LRMDA: variants seen among roughly 807,000 people sequenced by gnomAD.
The protein encoded by LRMDA is leucine rich melanocyte differentiation associated, also known as leucine-rich melanocyte differentiation-associated protein.
Under a neutral mutation model 29.8 loss-of-function variants are expected in LRMDA, and 18 were observed. That is an observed-to-expected ratio of 0.60 (90% CI 0.42 to 0.90). LRMDA has a LOEUF of 0.90. Among genes scored for constraint, LRMDA ranks in the 40% least tolerant of loss-of-function variants. The pLI is 0.00. For missense variants in LRMDA, 273 were observed against 273.9 expected, an observed-to-expected ratio of 1.00 and a Z score of 0.02; for synonymous variants, 125 against 109.4, an observed-to-expected ratio of 1.14 and a Z score of -0.89.
chr10:76,191,417 A>G (rs1434364427), intron 5 of LRMDA, among the ~76,000 whole-genome samples: 1 of 152,186 alleles, frequency 6.6e-6, no homozygotes, highest in African/African-American at 2.4e-5. Context: ...ACTGCAGGAT[A>G]TTTGAATCCT....
intron 2 of LRMDA, among the ~76,000 whole-genome samples, chr10:75,817,766 A>G (rs1178330325): frequency 1.3e-5 from 2 of 152,236 alleles, no homozygotes; most frequent in African/African-American, 2.4e-5. Context: ...ACCTATAGCT[A>G]TAGTATCGGA....
intron 2 of LRMDA, among the ~76,000 whole-genome samples, chr10:75,484,969 G>A (rs962408693): frequency 2.6e-5 from 4 of 152,122 alleles, no homozygotes; most frequent in African/African-American, 9.7e-5. Flanking sequence ...AGTATAGAAA[G>A]GTAAAACTAT....
chr10:75,611,773 G>C (rs182481707), intron 2 of LRMDA, among the ~76,000 whole-genome samples: 6 of 152,318 alleles, frequency 3.9e-5, no homozygotes, highest in African/African-American at 1.2e-4. Context: ...AGCTTGGCAA[G>C]CACAGTATAG....
At chr10:75,916,184 GTGTGTGTGT>G (rs1564605831) in intron 2 of LRMDA, among the ~76,000 whole-genome samples, 9 of 131,552 alleles carry the variant, frequency 6.8e-5, no homozygotes, top group African/African-American at 2.2e-4. Flanking sequence ...GTGTGTGTGT[GTGTGTGTGT>G]GTGGGTGGGT....
At chr10:76,271,177 G>A (rs978162259) in intron 5 of LRMDA, among the ~76,000 whole-genome samples, 1 of 152,192 alleles carries the variant, frequency 6.6e-6, no homozygotes, top group African/African-American at 2.4e-5. Context: ...GGAGGCCGAG[G>A]TGGGTGAACT....
intron 2 of LRMDA, among the ~76,000 whole-genome samples, chr10:75,579,272 C>A (rs116051576): frequency 1.3e-5 from 2 of 152,080 alleles, no homozygotes; most frequent in Non-Finnish European, 2.9e-5. Context: ...TACAAATTAC[C>A]TTCAGGGGAT....
chr10:75,663,179 C>G (rs1841776879), intron 2 of LRMDA, among the ~76,000 whole-genome samples: 1 of 152,250 alleles, frequency 6.6e-6, no homozygotes, highest in East Asian at 1.9e-4. Context: ...GTAGAGGACT[C>G]TTAGGGCAGG....
At chr10:76,073,890 G>A (rs910007272) in intron 5 of LRMDA, among the ~76,000 whole-genome samples, 1 of 152,208 alleles carries the variant, frequency 6.6e-6, no homozygotes, top group African/African-American at 2.4e-5. Flanking sequence ...TGTAGTCCTA[G>A]GGAATTACGG....
intron 2 of LRMDA, among the ~76,000 whole-genome samples, chr10:75,672,691 A>C (rs1589153297): frequency 7.6e-6 from 1 of 131,042 alleles, no homozygotes. Context: ...CGATTTTCCC[A>C]CCTCCGTCTC....
At chr10:76,052,872 A>T (rs1437834563) in intron 4 of LRMDA, among the ~76,000 whole-genome samples, 1 of 148,788 alleles carries the variant, frequency 6.7e-6, no homozygotes, top group East Asian at 2.0e-4. Flanking sequence ...TCCCCTAGCC[A>T]CCTTGAGAAG....
Position 75,814,662 on chromosome 10 carries a change from G to T in LRMDA, c.132-221346G>T, listed in dbSNP as rs557444693. Reference sequence around the variant, plus strand: ...CCGGTTGACACAACCAGATCAAAAGGCTTTGAATTCTGAAAATGATTCCCC... The same window carrying T: ...CCGGTTGACACAACCAGATCAAAAGTCTTTGAATTCTGAAAATGATTCCCC... On this transcript the variant is annotated intron_variant, in intron 2 of 6. Transcript: ENST00000611255. Among the ~76,000 whole-genome samples, 7 of 152,202 alleles carry T rather than the reference G, an allele frequency of 4.6e-5. No individual in the cohort carries two copies. In the South Asian group the frequency reaches 1.0e-3, roughly 23 times the overall value.
chr10:76,207,430 G>C (rs1035565972), intron 5 of LRMDA, among the ~76,000 whole-genome samples: 4 of 152,182 alleles, frequency 2.6e-5, no homozygotes, highest in Non-Finnish European at 5.9e-5. Flanking sequence ...AGTGTGAGCT[G>C]CCATTTTGCC....
At chr10:76,484,957 C>G (rs1842767325) in intron 6 of LRMDA, among the ~76,000 whole-genome samples, 1 of 151,770 alleles carries the variant, frequency 6.6e-6, no homozygotes, top group Non-Finnish European at 1.5e-5. Flanking sequence ...ATTAAGGTAT[C>G]TAGTACAGCT....
At chr10:76,541,383 C>A (rs1172523577) in intron 6 of LRMDA, among the ~76,000 whole-genome samples, 1 of 152,132 alleles carries the variant, frequency 6.6e-6, no homozygotes, top group African/African-American at 2.4e-5. Flanking sequence ...TGCCTGTGAT[C>A]CCAGCTACTT....
chr10:76,223,767 G>T (rs1014125313), intron 5 of LRMDA, among the ~76,000 whole-genome samples: 2 of 152,142 alleles, frequency 1.3e-5, no homozygotes, highest in Non-Finnish European at 2.9e-5. Context: ...TATTGTTTCA[G>T]CCACCCAGTC....
In LRMDA at chr10:76,007,150, G is replaced by A. The variant is rs186471159; in HGVS notation, c.132-28858G>A. Among the ~76,000 whole-genome samples the A allele has an allele frequency of 3.4e-3, 515 of 152,066 alleles. 2 individuals are homozygous for A. Among genetic ancestry groups the A allele is most frequent in the Non-Finnish European group, 3.2e-3 (218 of 67,980 alleles). ...CTTGTATCTCATGCTAGCCAATTTC[G>A]ACAGTCTAAAGTGCTCAAATTGAGC... On this transcript the variant is annotated intron_variant, in intron 2 of 6. Coordinates refer to ENST00000611255, the MANE Select transcript of LRMDA (RefSeq NM_001305581.2).
intron 2 of LRMDA, among the ~76,000 whole-genome samples, chr10:75,895,790 C>T (rs1250833383): frequency 6.6e-6 from 1 of 152,172 alleles, no homozygotes; most frequent in Non-Finnish European, 1.5e-5. Flanking sequence ...ATGTTTAGAA[C>T]ATGGGAGAAG....
intron 2 of LRMDA, among the ~76,000 whole-genome samples, chr10:75,661,053 C>T (rs1841745939): frequency 6.6e-6 from 1 of 152,164 alleles, no homozygotes; most frequent in Non-Finnish European, 1.5e-5. Flanking sequence ...TCACGCCAGT[C>T]CCAGGCAGAC....
chr10:76,093,591 T>C, intron 5 of LRMDA, among the ~76,000 whole-genome samples: 1 of 152,122 alleles, frequency 6.6e-6, no homozygotes, highest in East Asian at 1.9e-4. Flanking sequence ...CTCCTTCTCC[T>C]CCATCTTTCC....
Sources: gnomAD v4.1 joint callset for allele counts (sites outside exome capture counted in the v4.1 genomes callset) on GRCh38, gnomAD v4.1.1 for gene constraint, MANE v1.5 for transcripts, NCBI Gene and HGNC (gene_info 2026-07-23, HGNC 2026-07-21) for gene names.